Variants in ANGPT1 observed in about 807,000 individuals in gnomAD.
The protein encoded by ANGPT1 is angiopoietin 1.
ANGPT1 carries 17 observed loss-of-function variants against 62.2 expected under a neutral mutation model. The observed-to-expected ratio is 0.27, with a 90% confidence interval of 0.19 to 0.41. The LOEUF is 0.41. Ranked by LOEUF, ANGPT1 falls within the 10% of genes least tolerant of loss-of-function variation. The pLI, the probability that ANGPT1 is intolerant of heterozygous loss-of-function variation, is 1.00. For missense variants in ANGPT1, 478 were observed against 594.9 expected (o/e 0.80, Z 2.04); for synonymous variants, 199 against 198.9 (o/e 1.00, Z 0.00).
intron 1 of ANGPT1, among the ~76,000 whole-genome samples, chr8:107,380,951 C>T (rs927596684): frequency 5.3e-5 from 8 of 152,348 alleles, no homozygotes; most frequent in African/African-American, 1.9e-4. Flanking sequence ...AAGGTCATCT[C>T]TGTTGAGAAG....
intron 1 of ANGPT1, among the ~76,000 whole-genome samples, chr8:107,399,365 T>C (rs1816998008): frequency 6.6e-6 from 1 of 152,228 alleles, no homozygotes; most frequent in Admixed American, 6.5e-5. Context: ...GTTCCAAGAA[T>C]GTTATAACAT....
At chr8:107,309,184 A>G (rs79504970) in intron 4 of ANGPT1, among the ~76,000 whole-genome samples, 5,268 of 152,268 alleles carry the variant, frequency 0.035, 287 homozygotes, top group African/African-American at 0.12. Context: ...GTTCATTTTA[A>G]ACCTTAAATA....
intron 1 of ANGPT1, among the ~76,000 whole-genome samples, chr8:107,464,406 C>T (rs1812148521): frequency 6.6e-6 from 1 of 152,014 alleles, no homozygotes; most frequent in South Asian, 2.1e-4. Context: ...TTTGTTTACA[C>T]TCGCTGAAAA....
At chr8:107,419,166 G>A (rs1393907768) in intron 1 of ANGPT1, among the ~76,000 whole-genome samples, 1 of 152,090 alleles carries the variant, frequency 6.6e-6, no homozygotes, top group African/African-American at 2.4e-5. Flanking sequence ...TCAGGACTCA[G>A]TGAAACTCCT....
intron 1 of ANGPT1, among the ~76,000 whole-genome samples, chr8:107,415,291 T>A (rs764806447): frequency 4.6e-5 from 7 of 152,282 alleles, no homozygotes; most frequent in Admixed American, 1.3e-4. Context: ...TTTTGAATGA[T>A]CTGGAATGAA....
At chr8:107,465,327 G>A (rs901120102) in intron 1 of ANGPT1, among the ~76,000 whole-genome samples, 4 of 152,012 alleles carry the variant, frequency 2.6e-5, no homozygotes, top group African/African-American at 9.7e-5. Flanking sequence ...GAAATGTTAG[G>A]GATGCTTTTT....
At chr8:107,345,745 A>G (rs1815790484) in intron 2 of ANGPT1, among the ~76,000 whole-genome samples, 1 of 152,196 alleles carries the variant, frequency 6.6e-6, no homozygotes, top group Admixed American at 6.5e-5. Flanking sequence ...ATGATTAGAT[A>G]AAGTCTTGTA....
chr8:107,468,160 A>G (rs185073480), intron 1 of ANGPT1, among the ~76,000 whole-genome samples: 89 of 152,214 alleles, frequency 5.8e-4, no homozygotes, highest in African/African-American at 2.0e-3. Flanking sequence ...TTTGTTGTGC[A>G]TGATCAAGCC....
chr8:107,390,938 A>G (rs906701125), intron 1 of ANGPT1, among the ~76,000 whole-genome samples: 1 of 152,062 alleles, frequency 6.6e-6, no homozygotes, highest in South Asian at 2.1e-4. Flanking sequence ...AAACGGAGGG[A>G]CAGAACTCCA....
intron 7 of ANGPT1, chr8:107,284,413 A>T (rs1217774894): frequency 4.5e-6 from 1 of 220,940 alleles, no homozygotes; most frequent in African/African-American, 2.3e-5. Flanking sequence ...CTGCATGATA[A>T]CCACAGAACA....
At chr8:107,313,599 C>T (rs1257915808) in intron 4 of ANGPT1, among the ~76,000 whole-genome samples, 1 of 151,496 alleles carries the variant, frequency 6.6e-6, no homozygotes, top group Admixed American at 6.6e-5. Flanking sequence ...ACCACCACTC[C>T]TGGCTAATTT....
chr8:107,431,965 T>C (rs1019864118), intron 1 of ANGPT1, among the ~76,000 whole-genome samples: 1 of 152,166 alleles, frequency 6.6e-6, no homozygotes, highest in Non-Finnish European at 1.5e-5. Context: ...TTGTATTTGA[T>C]ACATATTTCA....
At chr8:107,481,705 T>G (rs1409773870) in intron 1 of ANGPT1, among the ~76,000 whole-genome samples, 1 of 151,978 alleles carries the variant, frequency 6.6e-6, no homozygotes, top group Non-Finnish European at 1.5e-5. Context: ...TCAGGAAACT[T>G]ACAATCTTGG....
At chr8:107,479,103 C>A (rs574344560) in intron 1 of ANGPT1, among the ~76,000 whole-genome samples, 6 of 151,628 alleles carry the variant, frequency 4.0e-5, no homozygotes, top group African/African-American at 1.4e-4. Flanking sequence ...TATGTGATTT[C>A]CTTATTCAAA....
In ANGPT1 at chr8:107,336,379, T is replaced by C. The variant is rs556388808; in HGVS notation, c.454-108A>G. 1.2e-5 allele frequency: 17 copies of C among 1,430,520 alleles called. No homozygotes were observed. In the African/African-American group the frequency reaches 2.4e-4, roughly 20 times the overall value. The allele number at this position is 1,430,520 out of a possible 1,614,324, so 88.6% of individuals were successfully genotyped here. A position where few individuals can be genotyped will look rare whatever the true frequency, so the allele number is the denominator to read the frequency against. ...TTTTCAAGAATAATTTAACAAATGG[T>C]TTACCGCCGGGCGCAGTGGCTCACG... is the stretch of plus-strand genomic sequence containing the variant. On this transcript the variant is annotated intron_variant, in intron 2 of 8. Transcript: ENST00000517746.
At chr8:107,287,312 C>T (rs1024959385) in intron 6 of ANGPT1, among the ~76,000 whole-genome samples, 1 of 152,162 alleles carries the variant, frequency 6.6e-6, no homozygotes, top group African/African-American at 2.4e-5. Context: ...AGCCTCCATC[C>T]CTGTCTCCAC....
At chr8:107,450,921 T>G (rs1333661512) in intron 1 of ANGPT1, among the ~76,000 whole-genome samples, 2 of 151,828 alleles carry the variant, frequency 1.3e-5, no homozygotes, top group African/African-American at 4.8e-5. Context: ...TACATCACAG[T>G]TAGTATTATA....
intron 1 of ANGPT1, among the ~76,000 whole-genome samples, chr8:107,485,150 G>A (rs982398699): frequency 1.4e-4 from 21 of 152,146 alleles, no homozygotes; most frequent in Admixed American, 1.0e-3. Context: ...GCAATACAGC[G>A]TGTGTTGATT....
chr8:107,407,222 A>T (rs1220281348), intron 1 of ANGPT1, among the ~76,000 whole-genome samples: 1 of 151,584 alleles, frequency 6.6e-6, no homozygotes, highest in East Asian at 1.9e-4. Context: ...ATTTAAAAAC[A>T]CTCTGATGGA....
Sources: allele counts gnomAD v4.1 joint callset (sites outside exome capture counted in the v4.1 genomes callset), GRCh38; gene constraint gnomAD v4.1.1; transcripts MANE v1.5; gene names NCBI Gene and HGNC (gene_info 2026-07-23, HGNC 2026-07-21).